CCDC60: variants seen among roughly 807,000 people sequenced by gnomAD.
CCDC60 encodes the protein coiled-coil domain containing 60.
CCDC60 carries 54 observed loss-of-function variants against 63.5 expected under a neutral mutation model. The ratio of observed to expected loss-of-function variants is 0.85; its 90% CI spans 0.68 to 1.07. The LOEUF is 1.07. Ranked by LOEUF, CCDC60 falls within the 50% of genes least tolerant of loss-of-function variation. CCDC60 has a pLI of 0.00. For synonymous variants in CCDC60, 206 were observed against 238.8 expected (o/e 0.86, Z 1.27); for missense variants, 651 against 684.3 (o/e 0.95, Z 0.54).
intron 1 of CCDC60, among the ~76,000 whole-genome samples, chr12:119,424,284 T>A (rs1956863979): frequency 6.6e-6 from 1 of 152,226 alleles, no homozygotes; most frequent in African/African-American, 2.4e-5. Context: ...GTAGCATGCA[T>A]TTTCATCTGA....
At chr12:119,363,865 G>A (rs1264256797) in intron 1 of CCDC60, among the ~76,000 whole-genome samples, 1 of 152,164 alleles carries the variant, frequency 6.6e-6, no homozygotes, top group Non-Finnish European at 1.5e-5. Flanking sequence ...TTGGGTTTTG[G>A]TGTTTGGTTG....
intron 1 of CCDC60, among the ~76,000 whole-genome samples, chr12:119,380,704 A>G (rs11064768): frequency 0.056 from 8,603 of 152,302 alleles, 321 homozygotes; most frequent in South Asian, 0.095. Context: ...GAAAGTCTCA[A>G]TTTAGTGCTA....
intron 13 of CCDC60, among the ~76,000 whole-genome samples, chr12:119,539,359 C>T (rs1953093654): frequency 6.6e-6 from 1 of 152,244 alleles, no homozygotes; most frequent in African/African-American, 2.4e-5. Context: ...CTGACTGGGG[C>T]TGCTGCCTTT....
intron 1 of CCDC60, among the ~76,000 whole-genome samples, chr12:119,422,797 T>A (rs1412307627): frequency 6.6e-6 from 1 of 152,234 alleles, no homozygotes; most frequent in Non-Finnish European, 1.5e-5. Flanking sequence ...TAATTTTTTT[T>A]ATCTTTTCCT....
intron 2 of CCDC60, among the ~76,000 whole-genome samples, chr12:119,451,809 G>A (rs1950640319): frequency 6.6e-6 from 1 of 152,186 alleles, no homozygotes; most frequent in African/African-American, 2.4e-5. Context: ...GGCAAGCAGT[G>A]AAGAGATTTA....
chr12:119,343,151 A>G (rs1565962962), intron 1 of CCDC60, among the ~76,000 whole-genome samples: 2 of 152,230 alleles, frequency 1.3e-5, no homozygotes, highest in Non-Finnish European at 2.9e-5. Flanking sequence ...ACCTTCTATC[A>G]TGAGATGGTG....
chr12:119,536,491 T>C (rs1010007679), intron 13 of CCDC60, among the ~76,000 whole-genome samples: 5 of 152,230 alleles, frequency 3.3e-5, no homozygotes, highest in African/African-American at 1.2e-4. Flanking sequence ...CATTAGCTGA[T>C]GCAGTTTCTT....
chr12:119,463,030 G>T (rs1566022943), intron 2 of CCDC60, among the ~76,000 whole-genome samples: 2 of 152,036 alleles, frequency 1.3e-5, no homozygotes, highest in Non-Finnish European at 2.9e-5. Flanking sequence ...CGCCATGTTG[G>T]CCAGGCTGGT....
In CCDC60 at chr12:119,410,157, A is replaced by C. The variant is rs1956567289; in HGVS notation, c.91-18526A>C. Among the ~76,000 whole-genome samples, 1 of 150,952 alleles carries C rather than the reference A, an allele frequency of 6.6e-6. No homozygotes were observed. Among genetic ancestry groups the C allele is most frequent in the Non-Finnish European group, 1.5e-5 (1 of 67,908 alleles). ...CAGTGCTACCATGTGTATTTGTGTG[A>C]AAGGTAGATGCTAGTGTTGGAAAGA... On this transcript the variant is annotated intron_variant, in intron 1 of 13. Coordinates refer to ENST00000327554, the MANE Select transcript of CCDC60 (RefSeq NM_178499.5). This position sits in a 1 kb window ranked among gnomAD's most constrained non-coding sequence, Gnocchi z 4.0.
intron 2 of CCDC60, among the ~76,000 whole-genome samples, chr12:119,453,930 TAAG>T (rs1424563979): frequency 1.3e-5 from 2 of 151,788 alleles, no homozygotes; most frequent in African/African-American, 2.4e-5. Flanking sequence ...TGATGAAAAA[TAAG>T]AAGAAAAAAA....
chr12:119,432,962 A>G (rs970407054), intron 2 of CCDC60, among the ~76,000 whole-genome samples: 3 of 152,208 alleles, frequency 2.0e-5, no homozygotes, highest in African/African-American at 7.2e-5. Context: ...CCTAGAGGCT[A>G]TCAATGGTTG....
chr12:119,433,952 G>A (rs1230844624), intron 2 of CCDC60, among the ~76,000 whole-genome samples: 1 of 152,170 alleles, frequency 6.6e-6, no homozygotes, highest in East Asian at 1.9e-4. Flanking sequence ...CCAGTTCTTG[G>A]CTGACTCTTG....
Position 119,472,147 on chromosome 12 carries a change from T to TG in CCDC60, c.328dup (p.Asp110GlyfsTer8). ...CCGAAAAGATCTCAGAAATCCACTA[T>TG]GGGGACACCTTATTGAGGTAAGTGG... On this transcript the variant is annotated frameshift_variant, in exon 3 of 14. Transcript: ENST00000327554. LOFTEE classifies it high-confidence loss of function. The TG allele has an allele frequency of 6.2e-7, 1 of 1,614,064 alleles. No homozygotes were observed. Among genetic ancestry groups the TG allele is most frequent in the Non-Finnish European group, 8.5e-7 (1 of 1,180,000 alleles).
chr12:119,365,647 A>G (rs546957770), intron 1 of CCDC60, among the ~76,000 whole-genome samples: 36 of 152,366 alleles, frequency 2.4e-4, no homozygotes, highest in African/African-American at 8.2e-4. Flanking sequence ...AGATAAATAG[A>G]ACTGCCAATT....
At chr12:119,436,428 T>A (rs1415312019) in intron 2 of CCDC60, among the ~76,000 whole-genome samples, 2 of 151,970 alleles carry the variant, frequency 1.3e-5, no homozygotes, top group African/African-American at 2.4e-5. Context: ...GAACAATGAC[T>A]ATAGGTGAGC....
rs141831040 is a variant in CCDC60, at chr12:119,494,747, G to A, written c.558-5331G>A. Among the ~76,000 whole-genome samples the A allele has an allele frequency of 4.6e-3, 707 of 152,112 alleles. 6 individuals carry two copies. The highest frequency in any genetic ancestry group is 0.016 in the African/African-American group (665 of 41,486). On this transcript the variant is annotated intron_variant, in intron 5 of 13. Transcript: ENST00000327554. ...TGTAATCCCAGCACTTTGGGAGGCCGAGGTGGGCAGATCACCTGAGGACAG... is the reference window on the plus strand; with the variant it reads ...TGTAATCCCAGCACTTTGGGAGGCCAAGGTGGGCAGATCACCTGAGGACAG...
intron 4 of CCDC60, among the ~76,000 whole-genome samples, chr12:119,483,404 T>C (rs1951369959): frequency 6.6e-6 from 1 of 152,178 alleles, no homozygotes; most frequent in Admixed American, 6.5e-5. Context: ...AATTCAATCA[T>C]GTAACAAGAG....
intron 5 of CCDC60, among the ~76,000 whole-genome samples, chr12:119,494,736 T>G (rs1310166559): frequency 6.6e-6 from 1 of 151,948 alleles, no homozygotes; most frequent in Non-Finnish European, 1.5e-5. Context: ...ATCCCAGCAC[T>G]TTGGGAGGCC....
At chr12:119,466,521 T>C (rs1013938047) in intron 2 of CCDC60, among the ~76,000 whole-genome samples, 1 of 152,164 alleles carries the variant, frequency 6.6e-6, no homozygotes, top group African/African-American at 2.4e-5. Flanking sequence ...TGACTACTGA[T>C]GGATTTCAAG....
Sources: gnomAD v4.1 joint callset for allele counts (sites outside exome capture counted in the v4.1 genomes callset) on GRCh38, gnomAD v4.1.1 for gene constraint, Gnocchi (gnomAD v3.1) non-coding constraint, MANE v1.5 for transcripts, NCBI Gene and HGNC (gene_info 2026-07-23, HGNC 2026-07-21) for gene names.